The following C12orf42 variants were observed in gnomAD, a reference collection of about 807,000 sequenced individuals.
C12orf42 encodes uncharacterized protein C12orf42.
In C12orf42, 25 loss-of-function variants were observed where a neutral mutation model predicts 21.6. The ratio of observed to expected loss-of-function variants is 1.16; its 90% CI spans 0.84 to 1.62. The LOEUF is 1.62. Among genes scored for constraint, C12orf42 ranks in the 40% most tolerant of loss-of-function variants. The pLI is 0.00. For synonymous variants in C12orf42, 174 were observed against 175.0 expected, an observed-to-expected ratio of 0.99 and a Z score of 0.05; for missense variants, 483 against 459.3, an observed-to-expected ratio of 1.05 and a Z score of -0.47.
intron 4 of C12orf42, among the ~76,000 whole-genome samples, chr12:103,323,257 T>C (rs964958900): frequency 6.6e-6 from 1 of 152,222 alleles, no homozygotes; most frequent in Non-Finnish European, 1.5e-5. Context: ...AGCCTCCCTT[T>C]CTGACTTACG....
downstream of C12orf42, among the ~76,000 whole-genome samples, chr12:103,265,926 G>A (rs2035148205): frequency 6.6e-6 from 1 of 151,932 alleles, no homozygotes; most frequent in Non-Finnish European, 1.5e-5. Flanking sequence ...CACCTTTGAT[G>A]TTCTTCTTAA....
intron 3 of C12orf42, among the ~76,000 whole-genome samples, chr12:103,373,319 G>A (rs977243436): frequency 6.6e-6 from 1 of 152,060 alleles, no homozygotes; most frequent in Non-Finnish European, 1.5e-5. Context: ...GTGTGCTATC[G>A]GCTGTAGATT....
At chr12:103,451,391 T>G (rs1308485785) in intron 2 of C12orf42, among the ~76,000 whole-genome samples, 1 of 151,950 alleles carries the variant, frequency 6.6e-6, no homozygotes, top group Non-Finnish European at 1.5e-5. Flanking sequence ...TATTTTTTAT[T>G]TTTTGTAGAG....
the C12orf42 span, among the ~76,000 whole-genome samples, chr12:103,125,765 C>T: frequency 6.6e-6 from 1 of 152,086 alleles, no homozygotes; most frequent in South Asian, 2.1e-4. Flanking sequence ...CCCATTAAAA[C>T]CACATACATG....
chr12:103,177,346 T>C, the C12orf42 span, among the ~76,000 whole-genome samples: 123 of 152,166 alleles, frequency 8.1e-4, no homozygotes, highest in Admixed American at 2.1e-3. Flanking sequence ...ATCTAAACTA[T>C]GTAAAGGCCT....
At chr12:103,190,394 G>GC in the C12orf42 span, among the ~76,000 whole-genome samples, 55,774 of 151,878 alleles carry the variant, frequency 0.37, 10,941 homozygotes, top group South Asian at 0.45. Flanking sequence ...AGTCAAATAA[G>GC]CCCCTCACAA....
At chr12:103,214,895 A>G in the C12orf42 span, among the ~76,000 whole-genome samples, 3 of 152,074 alleles carry the variant, frequency 2.0e-5, no homozygotes, top group African/African-American at 7.2e-5. Context: ...CCTTTCCTAG[A>G]CCAAACCTCA....
the C12orf42 span, among the ~76,000 whole-genome samples, chr12:103,106,600 CAG>C: frequency 1.3e-5 from 2 of 150,984 alleles, no homozygotes; most frequent in Non-Finnish European, 3.0e-5. Flanking sequence ...TCTGTGAATA[CAG>C]AGTTTAAAAT....
the C12orf42 span, among the ~76,000 whole-genome samples, chr12:103,144,075 CATTATT>C: frequency 6.6e-6 from 1 of 152,092 alleles, no homozygotes; most frequent in Non-Finnish European, 1.5e-5. Flanking sequence ...CTATGTTTAT[CATTATT>C]ATTATCTTCC....
the C12orf42 span, among the ~76,000 whole-genome samples, chr12:103,067,862 A>C: frequency 6.6e-6 from 1 of 152,274 alleles, no homozygotes; most frequent in Middle Eastern, 3.4e-3. Flanking sequence ...ATCAAGATGA[A>C]ATTAGTCTAC....
At chr12:103,153,262 G>A in the C12orf42 span, among the ~76,000 whole-genome samples, 1 of 152,088 alleles carries the variant, frequency 6.6e-6, no homozygotes, top group Non-Finnish European at 1.5e-5. Context: ...TCTCACTTGG[G>A]AGTAGCAAAT....
the C12orf42 span, among the ~76,000 whole-genome samples, chr12:103,075,152 T>C: frequency 2.0e-5 from 3 of 152,124 alleles, no homozygotes; most frequent in Non-Finnish European, 2.9e-5. Flanking sequence ...TTTTTTTCAA[T>C]AGCAAAAGTT....
chr12:103,392,075 A>C (rs1202241667), intron 3 of C12orf42, among the ~76,000 whole-genome samples: 1 of 152,200 alleles, frequency 6.6e-6, no homozygotes, highest in Non-Finnish European at 1.5e-5. Flanking sequence ...CAATTTGTTG[A>C]AAAAACTCCT....
At chr12:103,049,573 T>C in the C12orf42 span, among the ~76,000 whole-genome samples, 1 of 152,192 alleles carries the variant, frequency 6.6e-6, no homozygotes, top group Non-Finnish European at 1.5e-5. Flanking sequence ...ACCATTCCTC[T>C]GCTCAAAAAT....
At chr12:103,294,553 GAA>G (rs1395250912) in intron 4 of C12orf42, among the ~76,000 whole-genome samples, 1 of 107,572 alleles carries the variant, frequency 9.3e-6, no homozygotes, top group Non-Finnish European at 1.9e-5. Flanking sequence ...AAGAAAGAAA[GAA>G]AGAAAGAAAA....
chr12:103,175,605 A>G, the C12orf42 span, among the ~76,000 whole-genome samples: 103 of 152,144 alleles, frequency 6.8e-4, no homozygotes, highest in African/African-American at 2.2e-3. Context: ...ATCCAAAGGG[A>G]AAAAAAATGG....
the C12orf42 span, among the ~76,000 whole-genome samples, chr12:103,228,763 G>A: frequency 0.013 from 1,940 of 151,688 alleles, 15 homozygotes; most frequent in South Asian, 0.019. Flanking sequence ...TCCTGTCTCT[G>A]TATGGATGGA....
chr12:103,337,736 C>T (rs78994416), intron 4 of C12orf42, among the ~76,000 whole-genome samples: 155 of 152,240 alleles, frequency 1.0e-3, no homozygotes, highest in African/African-American at 2.6e-3. Context: ...ATGGTAGCCA[C>T]GCAAACCTTC....
intron 2 of C12orf42, among the ~76,000 whole-genome samples, chr12:103,420,955 A>G (rs1255926914): frequency 6.6e-6 from 1 of 152,258 alleles, no homozygotes; most frequent in Admixed American, 6.5e-5. Flanking sequence ...TAAAGTGAGA[A>G]GACAGTGAAC....
Sources: allele counts gnomAD v4.1 joint callset (sites outside exome capture counted in the v4.1 genomes callset), GRCh38; gene constraint gnomAD v4.1.1; transcripts MANE v1.5; gene names NCBI Gene and HGNC (gene_info 2026-07-23, HGNC 2026-07-21).